FBLN1: variants seen among roughly 807,000 people sequenced by gnomAD.
The protein encoded by FBLN1 is fibulin 1, also known as fibulin-1.
FBLN1 carries 34 observed loss-of-function variants against 89.7 expected under a neutral mutation model. That is an observed-to-expected ratio of 0.38 (90% CI 0.29 to 0.50). The LOEUF (loss-of-function observed/expected upper bound fraction) is 0.50, where lower values mean the gene tolerates loss of function less well. FBLN1 is among the 20% of genes least tolerant of loss of function. The pLI is 0.92. For synonymous variants in FBLN1, 393 were observed against 391.3 expected, an observed-to-expected ratio of 1.00 and a Z score of -0.05; for missense variants, 777 against 988.1, an observed-to-expected ratio of 0.79 and a Z score of 2.86.
Position 45,533,842 on chromosome 22 carries a change from A to G in FBLN1, c.728A>G (p.Gln243Arg), listed in dbSNP as rs2146969774. The change falls in exon 7 of 17, where the codon CAG (glutamine) becomes CGG (arginine). Residue 243 changes from glutamine (Q) to arginine (R), a missense_variant. Coordinates refer to ENST00000327858, the MANE Select transcript of FBLN1 (RefSeq NM_006486.3). ...AACACAGTGGGCTCTTTCCGCTGCC[A>G]GCGGGACAGCAGCTGCGGGACTGGC... Reference protein sequence around the residue: ...CINTVGSFRCQRDSSCGTGYE... With the variant: ...CINTVGSFRCRRDSSCGTGYE... 3 of 1,614,118 alleles carry G rather than the reference A, an allele frequency of 1.9e-6. No homozygotes were observed. The highest frequency in any genetic ancestry group is 2.2e-5 in the East Asian group (1 of 44,884).
At chr22:45,517,372 T>TGGCACCC (rs2088183469) in intron 1 of FBLN1, 1 of 348,558 alleles carries the variant, frequency 2.9e-6, no homozygotes, top group African/African-American at 2.2e-5. Context: ...TGTGGGCACC[T>TGGCACCC]GGCACCCGGC....
At position 45,576,850 on chromosome 22, in the gene FBLN1, G is replaced by A. The variant is rs1009126693; in HGVS notation, c.1841-127G>A. ...CACACAGGGGATCTCTGGCTTCATTGATGTTGTCTCATGAAAGGGCCCTGG... is the reference window on the plus strand; with the variant it reads ...CACACAGGGGATCTCTGGCTTCATTAATGTTGTCTCATGAAAGGGCCCTGG... On this transcript the variant is annotated intron_variant, in intron 15 of 16. Coordinates refer to ENST00000327858, the MANE Select transcript of FBLN1 (RefSeq NM_006486.3). This position sits in a 1 kb window ranked among gnomAD's most constrained non-coding sequence, Gnocchi z 5.2. 34 of 1,110,250 alleles carry A rather than the reference G, an allele frequency of 3.1e-5. No individual in the cohort carries two copies. The Admixed American group carries it at 5.3e-4, about 17-fold the overall frequency. The allele number at this position is 1,110,250 out of a possible 1,614,324, so 68.8% of individuals were successfully genotyped here.
Position 45,522,729 on chromosome 22 carries a change from C to G in FBLN1, c.186-2814C>G, listed in dbSNP as rs9626370. 7.1e-3 allele frequency among the ~76,000 whole-genome samples: 1,081 copies of G among 152,340 alleles called. 11 individuals are homozygous for G. Among genetic ancestry groups the G allele is most frequent in the African/African-American group, 0.025 (1,020 of 41,566 alleles). ...GATCCAGATCTAAATCCACCTAAAA[C>G]TTTGGATTAGATTAAACCCACATGT... On this transcript the variant is annotated intron_variant, in intron 2 of 16. Transcript: ENST00000327858.
chr22:45,600,092 C>T (rs1260978139), intron 16 of FBLN1, among the ~76,000 whole-genome samples: 2 of 152,228 alleles, frequency 1.3e-5, no homozygotes, highest in African/African-American at 4.8e-5. Context: ...GTAGTGAGTT[C>T]ACTTTCACCA....
At position 45,583,582 on chromosome 22, in the gene FBLN1, C is replaced by T. The variant is rs923576331; in HGVS notation, c.1972+6474C>T. ...TGTAAATATCAGTTCTTCCTAATTT[C>T]GCCTTGCCGTCTCTCTTGAGAGTGG... On this transcript the variant is annotated intron_variant, in intron 16 of 16. Coordinates refer to ENST00000327858, the MANE Select transcript of FBLN1 (RefSeq NM_006486.3). The surrounding 1 kb of genome is among the most constrained non-coding windows in gnomAD (Gnocchi z 4.5). 7.2e-5 allele frequency among the ~76,000 whole-genome samples: 11 copies of T among 152,182 alleles called. No homozygotes were observed. The highest frequency in any genetic ancestry group is 7.3e-5 in the Non-Finnish European group (5 of 68,040).
intron 14 of FBLN1, among the ~76,000 whole-genome samples, chr22:45,554,381 G>A (rs2088750410): frequency 6.6e-6 from 1 of 152,178 alleles, no homozygotes; most frequent in Admixed American, 6.5e-5. Context: ...GGCATCTCTG[G>A]GGCAGGCCAC....
intron 16 of FBLN1, among the ~76,000 whole-genome samples, chr22:45,593,025 A>T (rs1453381373): frequency 6.6e-6 from 1 of 152,124 alleles, no homozygotes; most frequent in African/African-American, 2.4e-5. Context: ...GCTGCACTTT[A>T]GAAGGGAAGA....
intron 1 of FBLN1, among the ~76,000 whole-genome samples, chr22:45,515,473 A>G (rs956995490): frequency 2.6e-5 from 4 of 152,204 alleles, no homozygotes; most frequent in Admixed American, 2.6e-4. Flanking sequence ...TGAGGTTCAC[A>G]GTACCCAGAC....
rs1459415785 is a variant in FBLN1, at chr22:45,535,321, T to C, written c.906T>C (p.Ala302=). 6.2e-7 allele frequency: 1 copy of C among 1,614,106 alleles called. No homozygotes were observed. Among genetic ancestry groups the C allele is most frequent in the Non-Finnish European group, 8.5e-7 (1 of 1,180,044 alleles). ...LQCKSGFIQD[A]LGNCIDINEC... Reference sequence around the variant, plus strand: ...GCAAGAGTGGCTTTATACAAGATGCTCTAGGCAACTGTATTGGTAAGAGGT... The same window carrying C: ...GCAAGAGTGGCTTTATACAAGATGCCCTAGGCAACTGTATTGGTAAGAGGT... The change falls in exon 8 of 17, where the codon GCT becomes GCC. Residue 302 remains alanine, a synonymous_variant. Transcript: ENST00000327858.
intron 1 of FBLN1, among the ~76,000 whole-genome samples, chr22:45,508,286 C>CTTTTTTTTTT (rs1350335831): frequency 7.7e-6 from 1 of 129,132 alleles, no homozygotes. Flanking sequence ...CCTCGCGTAT[C>CTTTTTTTTTT]TTTTTTTTTG....
At chr22:45,534,292 CAAAAAAAAAAAAAAAAA>C (rs136746) in intron 7 of FBLN1, among the ~76,000 whole-genome samples, 1 of 83,208 alleles carries the variant, frequency 1.2e-5, no homozygotes, top group Non-Finnish European at 2.1e-5. Context: ...GTACTTTCTA[CAAAAAAAAAAAAAAAAA>C]AAAAAAAAAA....
rs967748164 is a variant in FBLN1, at chr22:45,562,310, G to A, written c.1697+11695G>A. Among the ~76,000 whole-genome samples, 9 of 152,170 alleles carry A rather than the reference G, an allele frequency of 5.9e-5. No individual in the cohort carries two copies. The highest frequency in any genetic ancestry group is 2.2e-4 in the African/African-American group (9 of 41,446). On this transcript the variant is annotated intron_variant, in intron 14 of 16. Transcript: ENST00000327858. This position sits in a 1 kb window ranked among gnomAD's most constrained non-coding sequence, Gnocchi z 7.8. ...GAACTGACCTCAATGGCTGAGTAGC[G>A]ATATGGCTCCCTCACTCACTCTGTG... is the stretch of plus-strand genomic sequence containing the variant.
rs1298530767 is a variant in FBLN1 at position 45,531,485 on chromosome 22, A to C, written c.544+161A>C. ...CAGTGAGCTATGACTGCACCTTTGCACTCTAGCCTGGGCAACAGAGCTGGA... is the reference window on the plus strand; with the variant it reads ...CAGTGAGCTATGACTGCACCTTTGCCCTCTAGCCTGGGCAACAGAGCTGGA... On this transcript the variant is annotated intron_variant, in intron 5 of 16. Coordinates refer to ENST00000327858, the MANE Select transcript of FBLN1 (RefSeq NM_006486.3). This position sits in a 1 kb window ranked among gnomAD's most constrained non-coding sequence, Gnocchi z 4.9. 6.6e-6 allele frequency among the ~76,000 whole-genome samples: 1 copy of C among 152,092 alleles called. No homozygotes were observed. The highest frequency in any genetic ancestry group is 2.4e-5 in the African/African-American group (1 of 41,396).
intron 16 of FBLN1, among the ~76,000 whole-genome samples, chr22:45,598,084 C>T (rs1332620407): frequency 2.0e-5 from 3 of 152,198 alleles, no homozygotes; most frequent in Non-Finnish European, 2.9e-5. Flanking sequence ...GAACTGTTCA[C>T]AGAATCCAGC....
At chr22:45,539,551 G>T (rs925563581) in intron 8 of FBLN1, among the ~76,000 whole-genome samples, 2 of 152,096 alleles carry the variant, frequency 1.3e-5, no homozygotes, top group African/African-American at 4.8e-5. Flanking sequence ...CTTCCCACGT[G>T]CCCTGGCTGA....
chr22:45,538,145 C>T (rs1404866275), intron 8 of FBLN1, among the ~76,000 whole-genome samples: 2 of 152,240 alleles, frequency 1.3e-5, no homozygotes, highest in Non-Finnish European at 2.9e-5. Flanking sequence ...TGAGCTGTTC[C>T]GTGCCATCTC....
intron 16 of FBLN1, among the ~76,000 whole-genome samples, chr22:45,598,727 T>C (rs1466948957): frequency 6.6e-6 from 1 of 152,208 alleles, no homozygotes; most frequent in Non-Finnish European, 1.5e-5. Flanking sequence ...CCAGCACCTG[T>C]TTAGCACATG....
In FBLN1 at chr22:45,574,824, C is replaced by G. The variant is rs750996856; in HGVS notation, c.1840+171C>G. On this transcript the variant is annotated intron_variant, in intron 15 of 16. Transcript: ENST00000327858. The surrounding 1 kb of genome is among the most constrained non-coding windows in gnomAD (Gnocchi z 4.1). ...TGAGACGGAGTCTCGCTCTGTCGCCCGGGCTGGAGTGCAGTGGTGCCATCT... is the reference window on the plus strand; with the variant it reads ...TGAGACGGAGTCTCGCTCTGTCGCCGGGGCTGGAGTGCAGTGGTGCCATCT... Among the ~76,000 whole-genome samples the G allele has an allele frequency of 6.7e-6, 1 of 150,238 alleles. No individual in the cohort carries two copies. Among genetic ancestry groups the G allele is most frequent in the African/African-American group, 2.5e-5 (1 of 40,746 alleles).
In FBLN1 at chr22:45,547,213, G is replaced by GT. The variant is rs776440284; in HGVS notation, c.1441+9_1441+10insT. On this transcript the variant is annotated intron_variant, in intron 12 of 16. Coordinates refer to ENST00000327858, the MANE Select transcript of FBLN1 (RefSeq NM_006486.3). Reference sequence around the variant, plus strand: ...TGGAGTCACCTGTGAAGGTGCGGACGCCCCTGCCTGCTGAGGGGGAAAGCA... The same window carrying GT: ...TGGAGTCACCTGTGAAGGTGCGGACGTCCCCTGCCTGCTGAGGGGGAAAGCA... The GT allele has an allele frequency of 3.1e-6, 5 of 1,613,134 alleles. No individual in the cohort carries two copies. The highest frequency in any genetic ancestry group is 4.2e-6 in the Non-Finnish European group (5 of 1,179,914).
Sources: gnomAD v4.1 joint callset for allele counts (sites outside exome capture counted in the v4.1 genomes callset) on GRCh38, gnomAD v4.1.1 for gene constraint, Gnocchi (gnomAD v3.1) non-coding constraint, MANE v1.5 for transcripts, NCBI Gene and HGNC (gene_info 2026-07-23, HGNC 2026-07-21) for gene names.